Variants in PLEKHA6 observed in about 807,000 individuals in gnomAD.
PLEKHA6 encodes the protein pleckstrin homology domain-containing family A member 6.
In PLEKHA6, 60 loss-of-function variants were observed where a neutral mutation model predicts 116.7. That is an observed-to-expected ratio of 0.51 (90% CI 0.42 to 0.64). The LOEUF (loss-of-function observed/expected upper bound fraction) is 0.64. Ranked by LOEUF, PLEKHA6 falls within the 30% of genes least tolerant of loss-of-function variation. The pLI, the probability that PLEKHA6 is intolerant of heterozygous loss-of-function variation, is 0.00. For missense variants in PLEKHA6, 1,338 were observed against 1,422.7 expected, an observed-to-expected ratio of 0.94 and a Z score of 0.96; for synonymous variants, 489 against 556.1, an observed-to-expected ratio of 0.88 and a Z score of 1.70.
chr1:204,373,796 C>T (rs551714414), intron 1 of PLEKHA6, among the ~76,000 whole-genome samples: 1 of 152,126 alleles, frequency 6.6e-6, no homozygotes, highest in Non-Finnish European at 1.5e-5. Context: ...CCCAGCTAAC[C>T]TACCCCTCTG....
chr1:204,336,563 CGTGTGTGT>C (rs10538125), intron 1 of PLEKHA6, among the ~76,000 whole-genome samples: 2 of 148,924 alleles, frequency 1.3e-5, no homozygotes, highest in Non-Finnish European at 3.0e-5. Context: ...GGTGTGTGAG[CGTGTGTGT>C]GTGTGTGTGT....
intron 9 of PLEKHA6, among the ~76,000 whole-genome samples, chr1:204,253,957 T>C (rs1664930404): frequency 1.3e-5 from 2 of 152,022 alleles, no homozygotes; most frequent in Admixed American, 6.5e-5. Flanking sequence ...GACCAGCCCC[T>C]CTGTGAGGGC....
In PLEKHA6 at chr1:204,220,507, G is replaced by A. The variant is rs1659535203; in HGVS notation, c.*2281C>T. On this transcript the variant is annotated 3_prime_UTR_variant, in exon 23 of 23. Transcript: ENST00000272203. ...GTTACCCCATCTCCTCACCTCATTT[G>A]CCAATTCCATTCAGACATTGCACAA... 1 of 152,572 alleles carries A rather than the reference G, an allele frequency of 6.6e-6. No homozygotes were observed. Among genetic ancestry groups the A allele is most frequent in the Non-Finnish European group, 1.5e-5 (1 of 68,030 alleles). The allele number at this position is 152,572 out of a possible 1,614,324, so 9.5% of individuals were successfully genotyped here.
intron 11 of PLEKHA6, 43 bp from the exon 12 acceptor site, chr1:204,249,013 C>T: frequency 6.2e-7 from 1 of 1,605,018 alleles, no homozygotes. Flanking sequence ...CCTGACAGCT[C>T]CTCTCTGGGA....
intron 17 of PLEKHA6, among the ~76,000 whole-genome samples, chr1:204,230,987 C>T (rs1661107868): frequency 6.6e-6 from 1 of 152,160 alleles, no homozygotes; most frequent in South Asian, 2.1e-4. Flanking sequence ...CCAGAAGGAG[C>T]CAACCCTGCC....
intron 2 of PLEKHA6, chr1:204,369,573 A>G (rs1351930285): frequency 2.0e-5 from 3 of 152,112 alleles, no homozygotes; most frequent in African/African-American, 7.2e-5. Flanking sequence ...TTTTCTAGCA[A>G]CTTCCCTCCA....
intron 11 of PLEKHA6, 98 bp downstream of exon 11, chr1:204,249,086 C>G (rs1664182996): frequency 6.8e-7 from 1 of 1,473,882 alleles, no homozygotes; most frequent in Non-Finnish European, 9.4e-7. Context: ...GCTGTCCTTG[C>G]TTTGTCATCT....
At chr1:204,361,196 G>A (rs973261342), upstream of PLEKHA6, among the ~76,000 whole-genome samples, 15 of 152,106 alleles carry the variant, frequency 9.9e-5, no homozygotes, top group African/African-American at 3.6e-4. Flanking sequence ...CCTGGTGATT[G>A]CATTTTTTGT....
At chr1:204,357,617 A>G (rs1027277484) in intron 1 of PLEKHA6, among the ~76,000 whole-genome samples, 1 of 152,206 alleles carries the variant, frequency 6.6e-6, no homozygotes, top group Non-Finnish European at 1.5e-5. Flanking sequence ...CACAGCTCCA[A>G]CCTTCCTCTG....
upstream of PLEKHA6, among the ~76,000 whole-genome samples, chr1:204,363,080 C>T (rs1483154789): frequency 6.6e-6 from 1 of 152,248 alleles, no homozygotes; most frequent in Non-Finnish European, 1.5e-5. Flanking sequence ...GCTGCCCCAG[C>T]ACTCCTGTGC....
At chr1:204,360,358 G>A (rs1352708955), upstream of PLEKHA6, among the ~76,000 whole-genome samples, 1 of 151,350 alleles carries the variant, frequency 6.6e-6, no homozygotes, top group Non-Finnish European at 1.5e-5. Flanking sequence ...GGCTTGGCTG[G>A]GGCCCTGGGG....
At chr1:204,349,919 G>A (rs979858515) in intron 1 of PLEKHA6, among the ~76,000 whole-genome samples, 2 of 152,206 alleles carry the variant, frequency 1.3e-5, no homozygotes, top group East Asian at 3.8e-4. Flanking sequence ...ATATGTATAG[G>A]CCAGACAAGA....
intron 1 of PLEKHA6, among the ~76,000 whole-genome samples, chr1:204,317,737 A>AG (rs1158261026): frequency 6.6e-6 from 1 of 152,232 alleles, no homozygotes; most frequent in Non-Finnish European, 1.5e-5. Flanking sequence ...TTTTTTAAAA[A>AG]TTTAATGGAA....
intron 12 of PLEKHA6, among the ~76,000 whole-genome samples, chr1:204,247,952 T>A (rs1571865338): frequency 1.7e-5 from 1 of 58,768 alleles, no homozygotes. Flanking sequence ...GACCCTGTTC[T>A]TAAAAAAAAA....
At chr1:204,295,999 C>T (rs12125764) in intron 1 of PLEKHA6, among the ~76,000 whole-genome samples, 10,549 of 152,178 alleles carry the variant, frequency 0.069, 490 homozygotes, top group African/African-American at 0.13. Flanking sequence ...GGGGTGCACG[C>T]ACACAGAGGA....
chr1:204,361,370 G>A (rs567208204), upstream of PLEKHA6, among the ~76,000 whole-genome samples: 2 of 152,156 alleles, frequency 1.3e-5, no homozygotes, highest in Non-Finnish European at 2.9e-5. Context: ...TCCCTCCCAG[G>A]GCCTGGGAGG....
At position 204,243,978 on chromosome 1, in the gene PLEKHA6, G is replaced by A. The variant is rs141898064; in HGVS notation, c.2172+886C>T. Among the ~76,000 whole-genome samples, 432 of 151,838 alleles carry A rather than the reference G, an allele frequency of 2.8e-3. 2 individuals are homozygous for A. The highest frequency in any genetic ancestry group is 0.015 in the South Asian group (74 of 4,798). On this transcript the variant is annotated intron_variant, in intron 15 of 22. Transcript: ENST00000272203. Reference sequence around the variant, plus strand: ...TGGGACTACAGGCACCAGCCACCACGCCCGGCTAATTTTTTGTATTTTTTA... The same window carrying A: ...TGGGACTACAGGCACCAGCCACCACACCCGGCTAATTTTTTGTATTTTTTA...
chr1:204,314,196 T>C (rs1346392929), intron 1 of PLEKHA6, among the ~76,000 whole-genome samples: 2 of 152,070 alleles, frequency 1.3e-5, no homozygotes, highest in Admixed American at 6.5e-5. Context: ...CTCAAACAGA[T>C]TGATAATAAG....
At chr1:204,316,613 T>G (rs958684139) in intron 1 of PLEKHA6, among the ~76,000 whole-genome samples, 39 of 152,234 alleles carry the variant, frequency 2.6e-4, no homozygotes, top group African/African-American at 8.7e-4. Flanking sequence ...GAGATGGAGG[T>G]CCTTCTAAAA....
Sources: gnomAD v4.1 joint callset for allele counts (sites outside exome capture counted in the v4.1 genomes callset) on GRCh38, gnomAD v4.1.1 for gene constraint, MANE v1.5 for transcripts, NCBI Gene and HGNC (gene_info 2026-07-23, HGNC 2026-07-21) for gene names.